The following PGM5 variants were observed in gnomAD, a reference collection of about 807,000 sequenced individuals.
PGM5 encodes the protein phosphoglucomutase 5.
A neutral mutation model predicts 59.2 loss-of-function variants in PGM5; 23 were observed. The observed-to-expected ratio is 0.39, with a 90% CI of 0.28 to 0.55. PGM5 has a LOEUF of 0.55. Ranked by LOEUF, PGM5 falls within the 20% of genes least tolerant of loss-of-function variation. The probability of loss-of-function intolerance (pLI) is 0.66; values close to 1 mark genes in which losing one functional copy is unlikely to be tolerated. For synonymous variants in PGM5, 214 were observed against 286.0 expected (o/e 0.75, Z 2.54); for missense variants, 574 against 748.3 (o/e 0.77, Z 2.72).
At chr9:68,512,625 C>T (rs1824767211) in intron 10 of PGM5, among the ~76,000 whole-genome samples, 1 of 152,174 alleles carries the variant, frequency 6.6e-6, no homozygotes, top group Non-Finnish European at 1.5e-5. Context: ...CAAATTTCCC[C>T]TTTTAATAAG....
intron 8 of PGM5, among the ~76,000 whole-genome samples, chr9:68,481,229 A>C (rs931596052): frequency 1.3e-5 from 2 of 152,228 alleles, no homozygotes; most frequent in African/African-American, 4.8e-5. Context: ...TGTACTCGTT[A>C]AAATCAAAGA....
chr9:68,495,789 T>C (rs1188866044), intron 9 of PGM5, among the ~76,000 whole-genome samples: 1 of 152,204 alleles, frequency 6.6e-6, no homozygotes, highest in East Asian at 1.9e-4. Flanking sequence ...TTCTCTCTAC[T>C]GAGATTTTGA....
At chr9:68,451,658 G>A (rs2132070490) in intron 6 of PGM5, among the ~76,000 whole-genome samples, 1 of 152,304 alleles carries the variant, frequency 6.6e-6, no homozygotes, top group East Asian at 1.9e-4. Context: ...GTCTTTAACA[G>A]CTCAAAGATG....
At chr9:68,399,526 A>G (rs1352180634) in intron 6 of PGM5, among the ~76,000 whole-genome samples, 6 of 151,604 alleles carry the variant, frequency 4.0e-5, no homozygotes, top group African/African-American at 9.7e-5. Context: ...TACCATTGCA[A>G]TTTTAATTTT....
intron 1 of PGM5, among the ~76,000 whole-genome samples, chr9:68,369,992 T>C: frequency 6.6e-6 from 1 of 152,018 alleles, no homozygotes; most frequent in Non-Finnish European, 1.5e-5. Flanking sequence ...GGACTGGCAT[T>C]CTGCAACCCA....
chr9:68,393,991 G>T (rs549251129), intron 6 of PGM5: 1 of 152,228 alleles, frequency 6.6e-6, no homozygotes, highest in East Asian at 1.9e-4. Flanking sequence ...AATATTAAAT[G>T]ATAAAAAGCC....
intron 6 of PGM5, among the ~76,000 whole-genome samples, chr9:68,433,345 T>C (rs528882426): frequency 2.8e-4 from 42 of 152,370 alleles, no homozygotes; most frequent in Middle Eastern, 3.4e-3. Flanking sequence ...CCTTTACAAA[T>C]TGATTTGCCC....
chr9:68,494,554 GAATT>G lies in PGM5; in HGVS notation c.1480-4670_1480-4667del, dbSNP rs782134073. ...CTAATTCCCAAGTAACACCCCAAAA[GAATT>G]AAATCACAATGTTTGGGGTGAAAGC... On this transcript the variant is annotated intron_variant, in intron 9 of 10. Transcript: ENST00000396396. 3.3e-5 allele frequency among the ~76,000 whole-genome samples: 5 copies of G among 152,268 alleles called. No homozygotes were observed. In the East Asian group the frequency reaches 7.7e-4, roughly 23 times the overall value.
chr9:68,444,512 A>G (rs1430831948), intron 6 of PGM5, among the ~76,000 whole-genome samples: 1 of 152,222 alleles, frequency 6.6e-6, no homozygotes, highest in Non-Finnish European at 1.5e-5. Flanking sequence ...GGTAGGAATT[A>G]TGTATGGGCA....
At position 68,499,335 on chromosome 9, in the gene PGM5, C is replaced by T. The variant is rs1824533050; in HGVS notation, c.1588C>T (p.Pro530Ser). Residue 530 changes from proline to serine, a missense_variant, in exon 10 of 11, where the codon CCC (proline) becomes TCC (serine). Transcript: ENST00000396396. Reference sequence around the variant, plus strand: ...GTACGCAGAGAGCTACGAGAGGGATCCCAGCGGCCATGACCAGGAGCCACA... The same window carrying T: ...GTACGCAGAGAGCTACGAGAGGGATTCCAGCGGCCATGACCAGGAGCCACA... Reference protein sequence around the residue: ...RLYAESYERDPSGHDQEPQAV... With the variant: ...RLYAESYERDSSGHDQEPQAV... 1 of 1,614,096 alleles carries T rather than the reference C, an allele frequency of 6.2e-7. No individual in the cohort carries two copies. Among genetic ancestry groups the T allele is most frequent in the African/African-American group, 1.3e-5 (1 of 75,022 alleles).
chr9:68,379,412 G>A (rs150372735), intron 2 of PGM5, among the ~76,000 whole-genome samples: 148 of 152,166 alleles, frequency 9.7e-4, no homozygotes, highest in African/African-American at 3.4e-3. Flanking sequence ...CCTTGCAGAC[G>A]TTTTACACGT....
chr9:68,465,053 G>A, intron 6 of PGM5, 40 bp from the exon 7 acceptor site: 1 of 1,282,950 alleles, frequency 7.8e-7, no homozygotes, highest in Non-Finnish European at 1.1e-6. Context: ...AACAGAAAAT[G>A]AAATATATGA....
intron 10 of PGM5, among the ~76,000 whole-genome samples, chr9:68,502,122 G>A (rs1007534669): frequency 5.9e-5 from 9 of 152,196 alleles, no homozygotes; most frequent in African/African-American, 1.7e-4. Flanking sequence ...AGGATGGGCC[G>A]GGGAGGGCCC....
At chr9:68,525,143 G>A (rs886873983) in intron 10 of PGM5, among the ~76,000 whole-genome samples, 5 of 151,876 alleles carry the variant, frequency 3.3e-5, no homozygotes, top group Non-Finnish European at 5.9e-5. Flanking sequence ...ACGTGTATCA[G>A]AGGAGTGATT....
At chr9:68,369,827 G>A (rs1361180956) in intron 1 of PGM5, among the ~76,000 whole-genome samples, 2 of 152,098 alleles carry the variant, frequency 1.3e-5, no homozygotes, top group African/African-American at 4.8e-5. Context: ...ACTTCCATCT[G>A]GTCTCCATGT....
At chr9:68,478,017 A>G (rs1387825054) in intron 7 of PGM5, among the ~76,000 whole-genome samples, 1 of 152,270 alleles carries the variant, frequency 6.6e-6, no homozygotes, top group Non-Finnish European at 1.5e-5. Context: ...ATGACTTTGT[A>G]ATAACTTTCC....
intron 5 of PGM5, 24 bp downstream of exon 5, chr9:68,391,748 G>T (rs782244969): frequency 9.3e-6 from 15 of 1,610,160 alleles, no homozygotes; most frequent in Non-Finnish European, 1.3e-5. Flanking sequence ...CTGTCTGTCT[G>T]CTGACCCTTT....
intron 6 of PGM5, among the ~76,000 whole-genome samples, chr9:68,406,985 T>C (rs1318869388): frequency 6.6e-6 from 1 of 151,852 alleles, no homozygotes; most frequent in Non-Finnish European, 1.5e-5. Flanking sequence ...CATCAGAGCT[T>C]CCAGAGGACT....
At chr9:68,468,180 C>T (rs1343034208) in intron 7 of PGM5, among the ~76,000 whole-genome samples, 1 of 150,660 alleles carries the variant, frequency 6.6e-6, no homozygotes, top group African/African-American at 2.5e-5. Flanking sequence ...TCTCCTTCCT[C>T]CCACCCTACT....
Sources: gnomAD v4.1 joint callset for allele counts (sites outside exome capture counted in the v4.1 genomes callset) on GRCh38, gnomAD v4.1.1 for gene constraint, MANE v1.5 for transcripts, NCBI Gene and HGNC (gene_info 2026-07-23, HGNC 2026-07-21) for gene names.